Variants in DNM3 observed in about 807,000 individuals in gnomAD.
DNM3 encodes dynamin-3.
In DNM3, 47 loss-of-function variants were observed where a neutral mutation model predicts 101.6. That is an observed-to-expected ratio of 0.46 (90% CI 0.37 to 0.59). DNM3 has a LOEUF of 0.59. Ranked by LOEUF, DNM3 falls within the 20% of genes least tolerant of loss-of-function variation. The pLI is 0.00. For missense variants in DNM3, 849 were observed against 1,085.7 expected (o/e 0.78, Z 3.06); for synonymous variants, 385 against 387.9 (o/e 0.99, Z 0.09).
chr1:171,955,966 G>T (rs1309660717), intron 2 of DNM3, among the ~76,000 whole-genome samples: 1 of 152,048 alleles, frequency 6.6e-6, no homozygotes, highest in East Asian at 1.9e-4. Context: ...TCACTATCAC[G>T]AGAACAGCAT....
At chr1:171,894,692 C>T (rs141833967) in intron 1 of DNM3, among the ~76,000 whole-genome samples, 1 of 152,150 alleles carries the variant, frequency 6.6e-6, no homozygotes, top group African/African-American at 2.4e-5. Context: ...CCCATCAACT[C>T]GTCATTTACA....
chr1:172,307,671 A>G (rs1047341570), intron 15 of DNM3, among the ~76,000 whole-genome samples: 3 of 152,230 alleles, frequency 2.0e-5, no homozygotes, highest in African/African-American at 4.8e-5. Context: ...TGGCACATGT[A>G]CACCATGGAA....
chr1:171,955,715 T>C (rs2042809248), intron 2 of DNM3, among the ~76,000 whole-genome samples: 1 of 152,186 alleles, frequency 6.6e-6, no homozygotes, highest in Non-Finnish European at 1.5e-5. Flanking sequence ...AAGTTGAATC[T>C]TAATTAGTAG....
rs149328696 is a variant in DNM3, at chr1:172,228,259, G to A, written c.1660-25314G>A. Among the ~76,000 whole-genome samples, 144 of 151,638 alleles carry A rather than the reference G, an allele frequency of 9.5e-4. 1 individual carries two copies. The highest frequency in any genetic ancestry group is 1.3e-3 in the Non-Finnish European group (87 of 67,872). On this transcript the variant is annotated intron_variant, in intron 14 of 20. Coordinates refer to ENST00000627582, the MANE Select transcript of DNM3 (RefSeq NM_015569.5). ...AATTGTCATCTATTTTGTACTCTGG[G>A]GCTTTGAGATTTGACCTATCTAAAA...
At chr1:171,856,133 C>T (rs185081494) in intron 1 of DNM3, among the ~76,000 whole-genome samples, 171 of 152,264 alleles carry the variant, frequency 1.1e-3, no homozygotes, top group African/African-American at 3.9e-3. Flanking sequence ...AGTCCTTTCC[C>T]CATTGCTTGT....
At chr1:171,883,913 C>T (rs1571406514) in intron 1 of DNM3, among the ~76,000 whole-genome samples, 1 of 152,162 alleles carries the variant, frequency 6.6e-6, no homozygotes, top group East Asian at 1.9e-4. Context: ...TTTTTGGGGC[C>T]TCTCTCTTAT....
chr1:172,212,992 G>T (rs1040873725), intron 14 of DNM3, among the ~76,000 whole-genome samples: 2 of 151,820 alleles, frequency 1.3e-5, no homozygotes, highest in African/African-American at 4.8e-5. Flanking sequence ...GGACTGGAAA[G>T]GTGAACTAAG....
At chr1:172,348,822 C>T (rs1374120960) in intron 17 of DNM3, among the ~76,000 whole-genome samples, 1 of 152,074 alleles carries the variant, frequency 6.6e-6, no homozygotes, top group East Asian at 1.9e-4. Flanking sequence ...AGCTAGAGTT[C>T]TTATTTCCAT....
chr1:172,195,316 G>T (rs546285815), intron 14 of DNM3, among the ~76,000 whole-genome samples: 1 of 151,998 alleles, frequency 6.6e-6, no homozygotes, highest in African/African-American at 2.4e-5. Context: ...AGTTCTCAAA[G>T]ACTTTGGGAC....
intron 17 of DNM3, among the ~76,000 whole-genome samples, chr1:172,354,639 T>C (rs902101420): frequency 4.6e-5 from 7 of 152,178 alleles, no homozygotes; most frequent in Non-Finnish European, 4.4e-5. Flanking sequence ...TCTAGGAATA[T>C]TAAGGACAAT....
chr1:172,064,777 T>A (rs16843775), intron 10 of DNM3, among the ~76,000 whole-genome samples: 8,737 of 152,212 alleles, frequency 0.057, 465 homozygotes, highest in East Asian at 0.17. Flanking sequence ...ACCAAACCAG[T>A]TGTTTCATTA....
downstream of DNM3, among the ~76,000 whole-genome samples, chr1:172,413,818 C>A (rs747735704): frequency 2.6e-5 from 4 of 152,150 alleles, no homozygotes; most frequent in Non-Finnish European, 5.9e-5. Context: ...TGTGGGATTT[C>A]TTTTTCATAT....
chr1:172,028,407 C>G (rs1451510740), intron 4 of DNM3, among the ~76,000 whole-genome samples: 1 of 152,162 alleles, frequency 6.6e-6, no homozygotes, highest in African/African-American at 2.4e-5. Flanking sequence ...CTCTGGAACA[C>G]AGCTAAAGCA....
At chr1:172,399,500 G>A (rs1165186584) in intron 20 of DNM3, among the ~76,000 whole-genome samples, 2 of 152,120 alleles carry the variant, frequency 1.3e-5, no homozygotes, top group African/African-American at 2.4e-5. Context: ...TGGAAGGGAG[G>A]AAATGTGGGC....
chr1:172,038,214 A>G lies in DNM3; in HGVS notation c.850-105A>G, dbSNP rs2049107559. 66 of 1,429,764 alleles carry G rather than the reference A, an allele frequency of 4.6e-5. 1 individual carries two copies. The South Asian group carries it at 8.6e-4, about 19-fold the overall frequency. 88.6% of individuals were successfully genotyped at this position (1,429,764 alleles called of 1,614,324 possible). On this transcript the variant is annotated intron_variant, in intron 6 of 20. Coordinates refer to ENST00000627582, the MANE Select transcript of DNM3 (RefSeq NM_015569.5). ...GCAGACATAATGTTTGAAATTTTGAATTATTAGAAAAACAATGGAGGCGGA... is the reference window on the plus strand; with the variant it reads ...GCAGACATAATGTTTGAAATTTTGAGTTATTAGAAAAACAATGGAGGCGGA...
intron 14 of DNM3, among the ~76,000 whole-genome samples, chr1:172,208,179 G>A (rs978256885): frequency 1.3e-5 from 2 of 152,058 alleles, no homozygotes; most frequent in Non-Finnish European, 2.9e-5. Flanking sequence ...TTAGAAGAGA[G>A]GAGACCACAA....
intron 3 of DNM3, among the ~76,000 whole-genome samples, chr1:171,988,372 C>T (rs1325273032): frequency 1.3e-5 from 2 of 152,024 alleles, no homozygotes; most frequent in Non-Finnish European, 2.9e-5. Context: ...GACATAAGCT[C>T]AATTATGACT....
intron 6 of DNM3, among the ~76,000 whole-genome samples, chr1:172,034,760 T>C (rs187133079): frequency 5.3e-5 from 8 of 152,194 alleles, no homozygotes; most frequent in Non-Finnish European, 1.2e-4. Context: ...TGCTGGAAAA[T>C]GACATGACGT....
At chr1:171,845,798 A>C (rs1398771890) in intron 1 of DNM3, among the ~76,000 whole-genome samples, 3 of 152,326 alleles carry the variant, frequency 2.0e-5, no homozygotes, top group South Asian at 2.1e-4. Flanking sequence ...AGAGGTGTTA[A>C]GTGAAAACTG....
Sources: allele counts gnomAD v4.1 joint callset (sites outside exome capture counted in the v4.1 genomes callset), GRCh38; gene constraint gnomAD v4.1.1; transcripts MANE v1.5; gene names NCBI Gene and HGNC (gene_info 2026-07-23, HGNC 2026-07-21).